ELAVL4: variants seen among roughly 807,000 people sequenced by gnomAD.
ELAVL4 encodes the protein ELAV like RNA binding protein 4.
Under a neutral mutation model 35.6 loss-of-function variants are expected in ELAVL4, and 1 was observed. The ratio of observed to expected loss-of-function variants is 0.03; its 90% CI spans 0.01 to 0.13. The LOEUF (loss-of-function observed/expected upper bound fraction) is 0.13, where lower values mean the gene tolerates loss of function less well. Among genes scored for constraint, ELAVL4 ranks in the 10% least tolerant of loss-of-function variants. The probability of loss-of-function intolerance (pLI) is 1.00; values close to 1 mark genes in which losing one functional copy is unlikely to be tolerated. For synonymous variants in ELAVL4, 156 were observed against 171.0 expected (o/e 0.91, Z 0.69); for missense variants, 267 against 464.9 (o/e 0.57, Z 3.91).
intron 1 of ELAVL4, among the ~76,000 whole-genome samples, chr1:50,081,412 T>G (rs1664999897): frequency 6.6e-6 from 1 of 152,206 alleles, no homozygotes; most frequent in African/African-American, 2.4e-5. Flanking sequence ...CACACTAGCT[T>G]TCACTAGCAC....
At chr1:50,088,757 C>T (rs751057646) in intron 1 of ELAVL4, among the ~76,000 whole-genome samples, 11 of 152,094 alleles carry the variant, frequency 7.2e-5, no homozygotes, top group East Asian at 1.9e-4. Flanking sequence ...TTCAATCACT[C>T]GGTGCACTAG....
intron 1 of ELAVL4, among the ~76,000 whole-genome samples, chr1:50,073,804 C>T (rs1056725254): frequency 4.9e-5 from 4 of 82,196 alleles, no homozygotes; most frequent in African/African-American, 1.5e-4. Flanking sequence ...TAACTAGATA[C>T]GCAAACTAAA....
intron 1 of ELAVL4, among the ~76,000 whole-genome samples, chr1:50,118,207 A>AT (rs139069607): frequency 0.017 from 2,638 of 151,768 alleles, 70 homozygotes; most frequent in African/African-American, 0.061. Context: ...CTTCAGATCT[A>AT]TTTTTTTTCC....
chr1:50,155,951 T>C (rs546317590), intron 2 of ELAVL4, among the ~76,000 whole-genome samples: 18 of 152,136 alleles, frequency 1.2e-4, no homozygotes, highest in African/African-American at 4.3e-4. Context: ...GAGACAGCAC[T>C]ACCCAAGAGC....
chr1:50,191,872 A>G (rs1162223929), intron 3 of ELAVL4, among the ~76,000 whole-genome samples: 1 of 152,254 alleles, frequency 6.6e-6, no homozygotes, highest in Non-Finnish European at 1.5e-5. Flanking sequence ...TTAATTTGTC[A>G]GTAATTGGCA....
intron 1 of ELAVL4, among the ~76,000 whole-genome samples, chr1:50,097,263 T>G (rs574097272): frequency 1.2e-4 from 18 of 152,132 alleles, no homozygotes; most frequent in Admixed American, 3.9e-4. Flanking sequence ...AGACTGGGCA[T>G]TAGAGGAACA....
At chr1:50,158,693 A>T (rs1276883836) in intron 2 of ELAVL4, among the ~76,000 whole-genome samples, 1 of 152,160 alleles carries the variant, frequency 6.6e-6, no homozygotes, top group Non-Finnish European at 1.5e-5. Flanking sequence ...AGACTCTGTG[A>T]TGTCATCTGA....
At chr1:50,112,307 C>A (rs1356351278) in intron 1 of ELAVL4, among the ~76,000 whole-genome samples, 1 of 151,926 alleles carries the variant, frequency 6.6e-6, no homozygotes, top group African/African-American at 2.4e-5. Context: ...AATTTTCTGG[C>A]AATTTTTAGT....
intron 1 of ELAVL4, among the ~76,000 whole-genome samples, chr1:50,079,991 T>C (rs1373043765): frequency 1.3e-5 from 2 of 152,142 alleles, no homozygotes; most frequent in Non-Finnish European, 2.9e-5. Context: ...TTAAAACCTC[T>C]AGGGTTGGTT....
intron 3 of ELAVL4, among the ~76,000 whole-genome samples, chr1:50,184,032 C>T (rs1343241462): frequency 6.6e-6 from 1 of 152,200 alleles, no homozygotes; most frequent in Non-Finnish European, 1.5e-5. Flanking sequence ...GAGCACGTGG[C>T]AATGCCAGCA....
intron 2 of ELAVL4, among the ~76,000 whole-genome samples, chr1:50,155,522 A>T (rs1675577612): frequency 6.6e-6 from 1 of 152,168 alleles, no homozygotes; most frequent in Non-Finnish European, 1.5e-5. Context: ...AGGCAGTAAC[A>T]CAGAGAAGCT....
chr1:50,108,832 C>A, upstream of ELAVL4: 1 of 864,378 alleles, frequency 1.2e-6, no homozygotes, highest in Non-Finnish European at 1.4e-6. Flanking sequence ...CCTGATGTTG[C>A]AACGCCTCCC....
At chr1:50,120,293 A>T (rs958226887) in intron 1 of ELAVL4, among the ~76,000 whole-genome samples, 1 of 151,928 alleles carries the variant, frequency 6.6e-6, no homozygotes, top group Non-Finnish European at 1.5e-5. Flanking sequence ...AGAGCCAGGG[A>T]AACTGGATAG....
At position 50,153,706 on chromosome 1, in the gene ELAVL4, A is replaced by C. The variant is rs548007156; in HGVS notation, c.250+8509A>C. 7.2e-5 allele frequency among the ~76,000 whole-genome samples: 11 copies of C among 152,310 alleles called. No homozygotes were observed. The South Asian group carries it at 1.7e-3, about 23-fold the overall frequency. On this transcript the variant is annotated intron_variant, in intron 2 of 6. Transcript: ENST00000371824. Reference sequence around the variant, plus strand: ...AGACATTGTTATGGAATGAATGTTTATGTCCCCGCAAAATTCTTATGTTGA... The same window carrying C: ...AGACATTGTTATGGAATGAATGTTTCTGTCCCCGCAAAATTCTTATGTTGA...
At chr1:50,197,358 T>C in intron 5 of ELAVL4, 71 bp from the exon 6 acceptor site, 1 of 1,439,974 alleles carries the variant, frequency 6.9e-7, no homozygotes, top group Non-Finnish European at 9.3e-7. Flanking sequence ...GGAGCATTCT[T>C]ATTAATAGTT....
intron 1 of ELAVL4, among the ~76,000 whole-genome samples, chr1:50,127,447 A>G (rs1351492712): frequency 1.3e-5 from 2 of 152,112 alleles, no homozygotes; most frequent in Non-Finnish European, 2.9e-5. Flanking sequence ...AGGGTAATTT[A>G]GATGGTGATG....
chr1:50,157,488 C>T (rs752396605), intron 2 of ELAVL4, among the ~76,000 whole-genome samples: 2 of 152,166 alleles, frequency 1.3e-5, no homozygotes, highest in African/African-American at 2.4e-5. Context: ...CAGTTATCTG[C>T]GTACATCTCA....
chr1:50,070,595 A>G (rs1029423440), intron 1 of ELAVL4, among the ~76,000 whole-genome samples: 35 of 152,118 alleles, frequency 2.3e-4, no homozygotes, highest in African/African-American at 8.0e-4. Context: ...ACAAAAAATT[A>G]GCTGGGCATG....
chr1:50,076,045 C>G (rs1487222876), intron 1 of ELAVL4, among the ~76,000 whole-genome samples: 2 of 152,084 alleles, frequency 1.3e-5, no homozygotes, highest in African/African-American at 4.8e-5. Context: ...GCCAGGCTGG[C>G]CTCAAACTCC....
Sources: gnomAD v4.1 joint callset for allele counts (sites outside exome capture counted in the v4.1 genomes callset) on GRCh38, gnomAD v4.1.1 for gene constraint, MANE v1.5 for transcripts, NCBI Gene and HGNC (gene_info 2026-07-23, HGNC 2026-07-21) for gene names.